CUX2: variants seen among roughly 807,000 people sequenced by gnomAD.
The protein encoded by CUX2 is cut like homeobox 2.
CUX2 carries 40 observed loss-of-function variants against 144.8 expected under a neutral mutation model. The observed-to-expected ratio is 0.28, with a 90% confidence interval of 0.21 to 0.36. The LOEUF (loss-of-function observed/expected upper bound fraction) is 0.36. Among genes scored for constraint, CUX2 ranks in the 10% least tolerant of loss-of-function variants. The probability of loss-of-function intolerance (pLI) is 1.00; values close to 1 mark genes in which losing one functional copy is unlikely to be tolerated. For missense variants in CUX2, 1,615 were observed against 1,994.0 expected (o/e 0.81, Z 3.62); for synonymous variants, 827 against 875.6 (o/e 0.94, Z 0.98).
At chr12:111,296,419 C>G (rs1406717201) in intron 7 of CUX2, 54 bp from the exon 8 acceptor site, 5 of 1,532,876 alleles carry the variant, frequency 3.3e-6, no homozygotes, top group Admixed American at 3.7e-5. Context: ...CCTGGGAGAC[C>G]CAGCTCCTTC....
At chr12:111,176,039 C>CTTTTTTTT (rs1172563784) in intron 1 of CUX2, among the ~76,000 whole-genome samples, 6 of 70,200 alleles carry the variant, frequency 8.5e-5, no homozygotes, top group Admixed American at 1.6e-4. Context: ...TCTTCTTCTT[C>CTTTTTTTT]TTTTTTTTTT....
At chr12:111,328,959 CT>C in intron 18 of CUX2, among the ~76,000 whole-genome samples, 1 of 102,646 alleles carries the variant, frequency 9.7e-6, no homozygotes, top group Non-Finnish European at 1.8e-5. Flanking sequence ...CTCTCTCTCT[CT>C]CTCTCTCTCT....
rs1490761138 is a variant in CUX2 at position 111,082,619 on chromosome 12, G to A, written c.63+48379G>A. ...GAGTGGTTAGACCAGCCAGGGAGCT[G>A]GGAGAGAGGACACAGCTTTGAAACC... On this transcript the variant is annotated intron_variant, in intron 1 of 21. Coordinates refer to ENST00000261726, the MANE Select transcript of CUX2 (RefSeq NM_015267.4). Among the ~76,000 whole-genome samples, 11 of 152,262 alleles carry A rather than the reference G, an allele frequency of 7.2e-5. No homozygotes were observed. The East Asian group carries it at 2.1e-3, about 29-fold the overall frequency.
At chr12:111,336,036 C>T (rs903456366) in intron 19 of CUX2, among the ~76,000 whole-genome samples, 1 of 152,162 alleles carries the variant, frequency 6.6e-6, no homozygotes, top group Admixed American at 6.5e-5. Flanking sequence ...TGGGATAGGA[C>T]AAAGTGAATG....
intron 1 of CUX2, among the ~76,000 whole-genome samples, chr12:111,065,397 G>C (rs943179954): frequency 6.6e-6 from 1 of 152,200 alleles, no homozygotes; most frequent in Admixed American, 6.5e-5. Flanking sequence ...GCAGTGGCAC[G>C]ATCTCGGCTC....
chr12:111,344,468 A>C (rs1888710696), intron 21 of CUX2, among the ~76,000 whole-genome samples: 1 of 152,176 alleles, frequency 6.6e-6, no homozygotes, highest in South Asian at 2.1e-4. Context: ...AGAGAATTCC[A>C]CTCTCAAAAG....
chr12:111,172,555 G>A (rs1008816234), intron 1 of CUX2, among the ~76,000 whole-genome samples: 1 of 152,210 alleles, frequency 6.6e-6, no homozygotes, highest in Admixed American at 6.5e-5. Flanking sequence ...CTATCTGGGG[G>A]ACTCCGGGAG....
rs536798364 is a variant in CUX2 at position 111,311,367 on chromosome 12, A to G, written c.1900+685A>G. On this transcript the variant is annotated intron_variant, in intron 15 of 21. Transcript: ENST00000261726. ...TAGTGGCACAAGCTCAGCTCACTGC[A>G]ACCTCTGCCTCCTGGGTTAAAGCAA... Among the ~76,000 whole-genome samples, 4 of 152,106 alleles carry G rather than the reference A, an allele frequency of 2.6e-5. No homozygotes were observed. The South Asian group carries it at 8.3e-4, about 32-fold the overall frequency.
chr12:111,345,087 A>T (rs1888733772), intron 21 of CUX2, among the ~76,000 whole-genome samples: 1 of 151,700 alleles, frequency 6.6e-6, no homozygotes, highest in African/African-American at 2.4e-5. Flanking sequence ...CCATTTTTTA[A>T]AAAATGTTTT....
At chr12:111,233,860 G>A (rs1170806071) in intron 3 of CUX2, among the ~76,000 whole-genome samples, 3 of 152,220 alleles carry the variant, frequency 2.0e-5, no homozygotes, top group African/African-American at 4.8e-5. Flanking sequence ...CACAGATGAG[G>A]TTACATCACA....
intron 6 of CUX2, among the ~76,000 whole-genome samples, chr12:111,294,414 G>T (rs1364622583): frequency 6.6e-6 from 1 of 151,832 alleles, no homozygotes; most frequent in South Asian, 2.1e-4. Flanking sequence ...ATATATATAT[G>T]CACATTTTTT....
rs143775872 is a variant in CUX2, at chr12:111,232,188, G to C, written c.222+14251G>C. Among the ~76,000 whole-genome samples, 810 of 148,974 alleles carry C rather than the reference G, an allele frequency of 5.4e-3. 3 individuals carry two copies. Among genetic ancestry groups the C allele is most frequent in the Non-Finnish European group, 9.6e-3 (651 of 67,812 alleles). ...GCCACTGCACTCCAGCCTGGTGACA[G>C]AGTGAGACTCCATCTGAAAAAAAAA... On this transcript the variant is annotated intron_variant, in intron 3 of 21. Coordinates refer to ENST00000261726, the MANE Select transcript of CUX2 (RefSeq NM_015267.4).
chr12:111,325,661 T>G (rs1288000271), intron 18 of CUX2, among the ~76,000 whole-genome samples: 29 of 26,452 alleles, frequency 1.1e-3, no homozygotes, highest in East Asian at 2.1e-3. Context: ...AGTGTTGTGG[T>G]GGGGGAGGGG....
At chr12:111,309,723 CTGTCTCTT>C (rs1886781418) in intron 14 of CUX2, among the ~76,000 whole-genome samples, 3 of 151,572 alleles carry the variant, frequency 2.0e-5, no homozygotes, top group Admixed American at 6.6e-5. Flanking sequence ...GTTTTTCACT[CTGTCTCTT>C]TGTCTCTTTA....
At chr12:111,206,657 G>A (rs937108259) in intron 1 of CUX2, among the ~76,000 whole-genome samples, 1 of 152,216 alleles carries the variant, frequency 6.6e-6, no homozygotes, top group East Asian at 1.9e-4. Context: ...ACAGAATTGG[G>A]CCAGTGATTA....
chr12:111,063,320 A>G (rs1201141847), intron 1 of CUX2, among the ~76,000 whole-genome samples: 1 of 152,228 alleles, frequency 6.6e-6, no homozygotes, highest in Non-Finnish European at 1.5e-5. Context: ...AAAAAAAACA[A>G]CAGCAAGCAA....
chr12:111,194,212 G>A (rs150495750), intron 1 of CUX2, among the ~76,000 whole-genome samples: 33 of 152,208 alleles, frequency 2.2e-4, no homozygotes, highest in African/African-American at 6.3e-4. Context: ...GTGCCTCAGC[G>A]GTGCTCATCA....
Position 111,300,855 on chromosome 12 carries a change from T to G in CUX2, c.753+2266T>G, listed in dbSNP as rs559314533. Among the ~76,000 whole-genome samples, 18 of 152,086 alleles carry G rather than the reference T, an allele frequency of 1.2e-4. No individual in the cohort carries two copies. In the South Asian group the frequency reaches 3.7e-3, roughly 32 times the overall value. On this transcript the variant is annotated intron_variant, in intron 9 of 21. Coordinates refer to ENST00000261726, the MANE Select transcript of CUX2 (RefSeq NM_015267.4). ...GAGTTTGAGACCAGCCTGGGAAACA[T>G]AGGGAGACCTCATCTCTACAAAATA...
rs1869515461 is a variant in CUX2, at chr12:111,037,423, A to G, written c.63+3183A>G. Among the ~76,000 whole-genome samples the G allele has an allele frequency of 6.6e-6, 1 of 152,198 alleles. No individual in the cohort carries two copies. Among genetic ancestry groups the G allele is most frequent in the Non-Finnish European group, 1.5e-5 (1 of 68,034 alleles). ...CAAAAATGGAAGCGTTCCAGTTATTATTCCTTCCAGCGCCGTCTCTGTACA... is the reference window on the plus strand; with the variant it reads ...CAAAAATGGAAGCGTTCCAGTTATTGTTCCTTCCAGCGCCGTCTCTGTACA... On this transcript the variant is annotated intron_variant, in intron 1 of 21. Transcript: ENST00000261726. The surrounding 1 kb of genome is among the most constrained non-coding windows in gnomAD (Gnocchi z 5.4).
Sources: allele counts gnomAD v4.1 joint callset (sites outside exome capture counted in the v4.1 genomes callset), GRCh38; gene constraint gnomAD v4.1.1; non-coding constraint Gnocchi (gnomAD v3.1); transcripts MANE v1.5; gene names NCBI Gene and HGNC (gene_info 2026-07-23, HGNC 2026-07-21).